Variants in HS3ST5 observed in about 807,000 individuals in gnomAD.
HS3ST5 encodes heparan sulfate glucosamine 3-O-sulfotransferase 5.
HS3ST5 carries 10 observed loss-of-function variants against 25.4 expected under a neutral mutation model. The ratio of observed to expected loss-of-function variants is 0.39; its 90% confidence interval spans 0.24 to 0.67. HS3ST5 has a LOEUF of 0.67. Among genes scored for constraint, HS3ST5 ranks in the 30% least tolerant of loss-of-function variants. The pLI, the probability that HS3ST5 is intolerant of heterozygous loss-of-function variation, is 0.44. For synonymous variants in HS3ST5, 170 were observed against 162.4 expected (o/e 1.05, Z -0.36); for missense variants, 324 against 420.7 (o/e 0.77, Z 2.01).
intron 3 of HS3ST5, among the ~76,000 whole-genome samples, chr6:114,123,607 A>G (rs936188617): frequency 1.3e-5 from 2 of 152,166 alleles, no homozygotes; most frequent in Non-Finnish European, 2.9e-5. Context: ...CACTTTTTGA[A>G]TGCAAGCATA....
intron 3 of HS3ST5, among the ~76,000 whole-genome samples, chr6:114,163,091 G>A (rs1779049529): frequency 6.6e-6 from 1 of 152,152 alleles, no homozygotes; most frequent in African/African-American, 2.4e-5. Context: ...ATATGATTAG[G>A]ATGAAAGCTA....
At chr6:114,313,473 G>T (rs773618420) in intron 1 of HS3ST5, among the ~76,000 whole-genome samples, 6 of 152,184 alleles carry the variant, frequency 3.9e-5, no homozygotes, top group Non-Finnish European at 5.9e-5. Flanking sequence ...AAGAGTTGTG[G>T]TATGTCCATA....
At chr6:114,289,553 AG>A (rs1467874400) in intron 1 of HS3ST5, among the ~76,000 whole-genome samples, 1 of 152,138 alleles carries the variant, frequency 6.6e-6, no homozygotes, top group Non-Finnish European at 1.5e-5. Context: ...TGGGAGGCTG[AG>A]GAGAAGTCAT....
At chr6:114,193,310 T>C (rs1013447210) in intron 2 of HS3ST5, among the ~76,000 whole-genome samples, 1 of 152,146 alleles carries the variant, frequency 6.6e-6, no homozygotes, top group Non-Finnish European at 1.5e-5. Context: ...CTTAGAAAAG[T>C]CAGGGAAGTC....
intron 3 of HS3ST5, among the ~76,000 whole-genome samples, chr6:114,097,933 A>G (rs1562195817): frequency 6.6e-6 from 1 of 151,974 alleles, no homozygotes; most frequent in Non-Finnish European, 1.5e-5. Flanking sequence ...TTTTAGGTTT[A>G]TATGTGTAGA....
chr6:114,329,138 G>A (rs535008402), intron 1 of HS3ST5, among the ~76,000 whole-genome samples: 1 of 152,146 alleles, frequency 6.6e-6, no homozygotes, highest in Non-Finnish European at 1.5e-5. Flanking sequence ...ATTTAGTTCA[G>A]TATGAATGTA....
At chr6:114,168,758 A>G (rs1731965401) in intron 2 of HS3ST5, among the ~76,000 whole-genome samples, 1 of 152,186 alleles carries the variant, frequency 6.6e-6, no homozygotes, top group Non-Finnish European at 1.5e-5. Flanking sequence ...AGACTTTTAA[A>G]TAACATTTGT....
chr6:114,214,439 C>A (rs956019306), intron 2 of HS3ST5, among the ~76,000 whole-genome samples: 2 of 152,134 alleles, frequency 1.3e-5, no homozygotes, highest in African/African-American at 4.8e-5. Flanking sequence ...TCTTTCATGA[C>A]CTTGACAACT....
intron 1 of HS3ST5, among the ~76,000 whole-genome samples, chr6:114,296,402 A>T (rs1774823859): frequency 6.6e-6 from 1 of 152,204 alleles, no homozygotes; most frequent in Non-Finnish European, 1.5e-5. Context: ...TCTATAGTAC[A>T]TATGTATACT....
At chr6:114,085,145 A>G (rs1359627282) in intron 3 of HS3ST5, among the ~76,000 whole-genome samples, 1 of 152,112 alleles carries the variant, frequency 6.6e-6, no homozygotes, top group Non-Finnish European at 1.5e-5. Flanking sequence ...CAAAAATTCT[A>G]TTATATGAGG....
intron 2 of HS3ST5, among the ~76,000 whole-genome samples, chr6:114,213,294 T>C (rs1465040300): frequency 1.5e-5 from 2 of 134,662 alleles, no homozygotes; most frequent in East Asian, 4.8e-4. Flanking sequence ...TCTTTGCTGC[T>C]CTGCTGCCAG....
In HS3ST5 at chr6:114,219,100, G is replaced by A. The variant is rs77228314; in HGVS notation, c.-145+9485C>T. Among the ~76,000 whole-genome samples, 1,242 of 152,316 alleles carry A rather than the reference G, an allele frequency of 8.2e-3. 20 individuals carry two copies. The highest frequency in any genetic ancestry group is 0.029 in the African/African-American group (1,187 of 41,558). ...CAATCTAAACCATAGAGAAAAATGTGTAAATGCAAATCCTCATTCACAATA... is the reference window on the plus strand; with the variant it reads ...CAATCTAAACCATAGAGAAAAATGTATAAATGCAAATCCTCATTCACAATA... On this transcript the variant is annotated intron_variant, in intron 2 of 4. Transcript: ENST00000312719.
intron 3 of HS3ST5, among the ~76,000 whole-genome samples, chr6:114,156,895 C>T (rs1248215729): frequency 6.6e-6 from 1 of 152,210 alleles, no homozygotes; most frequent in Non-Finnish European, 1.5e-5. Flanking sequence ...TCTCCTCTCA[C>T]TCCAAGCTCT....
intron 1 of HS3ST5, among the ~76,000 whole-genome samples, chr6:114,282,166 C>T (rs771448749): frequency 1.3e-5 from 2 of 151,818 alleles, no homozygotes; most frequent in Non-Finnish European, 2.9e-5. Context: ...AGAGACTAAG[C>T]GAAGAAACAT....
At chr6:114,258,275 C>T (rs1192059998) in intron 1 of HS3ST5, among the ~76,000 whole-genome samples, 2 of 152,164 alleles carry the variant, frequency 1.3e-5, no homozygotes, top group East Asian at 1.9e-4. Flanking sequence ...CGATTCCCTT[C>T]TTGTTTCAGG....
intron 1 of HS3ST5, among the ~76,000 whole-genome samples, chr6:114,300,379 T>C (rs116470075): frequency 1.2e-3 from 180 of 152,284 alleles, no homozygotes; most frequent in African/African-American, 4.1e-3. Context: ...GATATTCAAA[T>C]GGTCAACAAG....
At chr6:114,063,450 G>A (rs1773254821) in intron 3 of HS3ST5, among the ~76,000 whole-genome samples, 1 of 151,652 alleles carries the variant, frequency 6.6e-6, no homozygotes, top group Non-Finnish European at 1.5e-5. Context: ...AAGAGGTGGA[G>A]GTTGCAGTGA....
intron 3 of HS3ST5, among the ~76,000 whole-genome samples, chr6:114,137,497 A>T (rs1777684538): frequency 6.6e-6 from 1 of 152,202 alleles, no homozygotes; most frequent in Admixed American, 6.5e-5. Context: ...TGCTAAATTG[A>T]AATAGTTAAT....
intron 3 of HS3ST5, among the ~76,000 whole-genome samples, chr6:114,069,516 A>ATT (rs373504728): frequency 0.01 from 1,348 of 130,642 alleles, 21 homozygotes; most frequent in African/African-American, 0.027. Flanking sequence ...ACATGGGAGA[A>ATT]TTTTTTTTTT....
Sources: allele counts gnomAD v4.1 joint callset (sites outside exome capture counted in the v4.1 genomes callset), GRCh38; gene constraint gnomAD v4.1.1; transcripts MANE v1.5; gene names NCBI Gene and HGNC (gene_info 2026-07-23, HGNC 2026-07-21).